Variants in CAB39 observed in about 807,000 individuals in gnomAD.
The protein encoded by CAB39 is calcium binding protein 39.
In CAB39, 8 loss-of-function variants were observed where a neutral mutation model predicts 40.0. That is an observed-to-expected ratio of 0.20 (90% confidence interval 0.12 to 0.36). The LOEUF (loss-of-function observed/expected upper bound fraction) is 0.36, where lower values mean the gene tolerates loss of function less well. Among genes scored for constraint, CAB39 ranks in the 10% least tolerant of loss-of-function variants. The pLI is 1.00. For missense variants in CAB39, 270 were observed against 401.1 expected (o/e 0.67, Z 2.79); for synonymous variants, 156 against 141.6 (o/e 1.10, Z -0.72).
At chr2:230,716,362 T>C (rs55639025) in intron 1 of CAB39, among the ~76,000 whole-genome samples, 22,346 of 152,120 alleles carry the variant, frequency 0.15, 2,447 homozygotes, top group African/African-American at 0.31. Context: ...TCTTTAGTTA[T>C]TGCCATACTT....
intron 2 of CAB39, among the ~76,000 whole-genome samples, chr2:230,782,476 T>TC (rs1695703858): frequency 6.6e-6 from 1 of 152,172 alleles, no homozygotes; most frequent in African/African-American, 2.4e-5. Context: ...TCTTTTTTTT[T>TC]CTTTTTTAAA....
intron 7 of CAB39, among the ~76,000 whole-genome samples, chr2:230,816,919 C>T (rs771791441): frequency 6.6e-6 from 1 of 152,178 alleles, no homozygotes; most frequent in African/African-American, 2.4e-5. Flanking sequence ...GCTCTGCCAC[C>T]GCCCACAAGG....
At chr2:230,808,592 C>T (rs1454777356) in intron 5 of CAB39, among the ~76,000 whole-genome samples, 2 of 151,780 alleles carry the variant, frequency 1.3e-5, no homozygotes, top group East Asian at 3.8e-4. Flanking sequence ...GGAGGGGAAA[C>T]GTTGTAGCAC....
chr2:230,792,705 T>C (rs1457970613), intron 3 of CAB39, among the ~76,000 whole-genome samples: 2 of 152,234 alleles, frequency 1.3e-5, no homozygotes, highest in African/African-American at 4.8e-5. Context: ...CTAGTTTAAT[T>C]GGAAGATAGG....
intron 2 of CAB39, among the ~76,000 whole-genome samples, chr2:230,781,309 C>T (rs1333549573): frequency 2.0e-5 from 3 of 151,996 alleles, no homozygotes; most frequent in Non-Finnish European, 2.9e-5. Flanking sequence ...AAAGTGGAGC[C>T]GTCTTGAAAT....
intron 4 of CAB39, among the ~76,000 whole-genome samples, chr2:230,798,487 A>G (rs1393137563): frequency 6.6e-6 from 1 of 152,150 alleles, no homozygotes; most frequent in Non-Finnish European, 1.5e-5. Context: ...AGTCACTCGT[A>G]TGGCTATTTT....
intron 2 of CAB39, among the ~76,000 whole-genome samples, chr2:230,782,030 A>G (rs1002192235): frequency 2.6e-5 from 4 of 152,024 alleles, no homozygotes; most frequent in African/African-American, 4.8e-5. Flanking sequence ...GCACCCAGCT[A>G]ATTTTTGCAT....
rs1279692855 is a variant in CAB39, at chr2:230,820,442, C to A, written c.*1738C>A. ...TGGCATTTCTCAAGACTGTCTTTAC[C>A]AGAATCTGTGTGAAATAAGGCAATC... On this transcript the variant is annotated 3_prime_UTR_variant, in exon 9 of 9. Coordinates refer to ENST00000258418, the MANE Select transcript of CAB39 (RefSeq NM_016289.4). 6.6e-6 allele frequency: 1 copy of A among 151,896 alleles called. No homozygotes were observed. Among genetic ancestry groups the A allele is most frequent in the Non-Finnish European group, 1.5e-5 (1 of 67,976 alleles). The allele number at this position is 151,896 out of a possible 1,614,324, so 9.4% of individuals were successfully genotyped here. A position where few individuals can be genotyped will look rare whatever the true frequency, so the allele number is the denominator to read the frequency against.
Position 230,818,504 on chromosome 2 carries a change from C to T in CAB39, c.838-12C>T, listed in dbSNP as rs1162516763. The T allele has an allele frequency of 6.2e-7, 1 of 1,610,480 alleles. No homozygotes were observed. Among genetic ancestry groups the T allele is most frequent in the Non-Finnish European group, 8.5e-7 (1 of 1,177,894 alleles). ...CTTTCTCTGTGCCTCATGTGCGTTT[C>T]TCTCCACGCAGGTGTTTGTAGCCAA... is the stretch of plus-strand genomic sequence containing the variant. On this transcript the variant is annotated splice_polypyrimidine_tract_variant and intron_variant, in intron 8 of 8. Transcript: ENST00000258418.
chr2:230,798,692 A>ATGTTTGGTTTGTT (rs763804231), intron 4 of CAB39, 37 bp from the exon 5 acceptor site: 2 of 1,547,850 alleles, frequency 1.3e-6, no homozygotes, highest in Non-Finnish European at 1.8e-6. Flanking sequence ...AAAAGCAATC[A>ATGTTTGGTTTGTT]TGTTTGGTTT....
Position 230,793,362 on chromosome 2 carries a change from C to T in CAB39, c.398+31C>T, listed in dbSNP as rs756106790. The T allele has an allele frequency of 8.3e-6, 9 of 1,086,892 alleles. No homozygotes were observed. The African/African-American group carries it at 1.3e-4, about 15-fold the overall frequency. 67.3% of individuals were successfully genotyped at this position (1,086,892 alleles called of 1,614,324 possible). A position where few individuals can be genotyped will look rare whatever the true frequency, so the allele number is the denominator to read the frequency against. On this transcript the variant is annotated intron_variant, in intron 4 of 8. Coordinates refer to ENST00000258418, the MANE Select transcript of CAB39 (RefSeq NM_016289.4). ...TACAATGTAATAAAATTTGTATTCT[C>T]AGTTGAACATAAAGGAAGGATTGCC...
chr2:230,771,120 A>G (rs1695475127), intron 2 of CAB39, among the ~76,000 whole-genome samples: 1 of 146,428 alleles, frequency 6.8e-6, no homozygotes, highest in Non-Finnish European at 1.5e-5. Context: ...TGTAAATGAC[A>G]TGATCATCTA....
At chr2:230,749,409 AT>A (rs1240942913) in intron 1 of CAB39, among the ~76,000 whole-genome samples, 1 of 152,082 alleles carries the variant, frequency 6.6e-6, no homozygotes, top group East Asian at 1.9e-4. Flanking sequence ...TCATGTATTG[AT>A]TTTTTTAAAA....
chr2:230,794,329 C>T (rs1003011562), intron 4 of CAB39, among the ~76,000 whole-genome samples: 1 of 152,032 alleles, frequency 6.6e-6, no homozygotes, highest in Admixed American at 6.5e-5. Flanking sequence ...GGATACAGAA[C>T]TTTTGGCATC....
intron 1 of CAB39, among the ~76,000 whole-genome samples, chr2:230,714,588 C>A (rs1240001386): frequency 6.6e-6 from 1 of 152,178 alleles, no homozygotes; most frequent in Non-Finnish European, 1.5e-5. Flanking sequence ...AATTACTAAG[C>A]TAAACCTACA....
At chr2:230,776,864 T>C (rs1375707643) in intron 2 of CAB39, among the ~76,000 whole-genome samples, 1 of 152,158 alleles carries the variant, frequency 6.6e-6, no homozygotes, top group Non-Finnish European at 1.5e-5. Context: ...ATTTTTTGTA[T>C]TTTTAGTTGA....
intron 7 of CAB39, among the ~76,000 whole-genome samples, chr2:230,815,475 T>A (rs1004876667): frequency 1.3e-5 from 2 of 152,170 alleles, no homozygotes; most frequent in Non-Finnish European, 2.9e-5. Context: ...ATACTACTCT[T>A]GCCAGCAGTT....
intron 1 of CAB39, among the ~76,000 whole-genome samples, chr2:230,745,758 C>T (rs767920278): frequency 2.0e-5 from 3 of 152,040 alleles, no homozygotes; most frequent in African/African-American, 4.8e-5. Flanking sequence ...TCCAGAGTAG[C>T]TGGGACTACA....
At chr2:230,753,667 C>G (rs1241494452) in intron 1 of CAB39, among the ~76,000 whole-genome samples, 1 of 151,090 alleles carries the variant, frequency 6.6e-6, no homozygotes, top group Non-Finnish European at 1.5e-5. Context: ...TTGCTTGAAC[C>G]CAGGAGGTGG....
Sources: gnomAD v4.1 joint callset for allele counts (sites outside exome capture counted in the v4.1 genomes callset) on GRCh38, gnomAD v4.1.1 for gene constraint, MANE v1.5 for transcripts, NCBI Gene and HGNC (gene_info 2026-07-23, HGNC 2026-07-21) for gene names.